The following BNC2 variants were observed in gnomAD, a reference collection of about 807,000 sequenced individuals.
The protein encoded by BNC2 is basonuclin zinc finger protein 2.
In BNC2, 20 loss-of-function variants were observed where a neutral mutation model predicts 76.3. That is an observed-to-expected ratio of 0.26 (90% CI 0.18 to 0.38). The LOEUF (loss-of-function observed/expected upper bound fraction) is 0.38, where lower values mean the gene tolerates loss of function less well. Among genes scored for constraint, BNC2 ranks in the 10% least tolerant of loss-of-function variants. The probability of loss-of-function intolerance (pLI) is 1.00; values close to 1 mark genes in which losing one functional copy is unlikely to be tolerated. For synonymous variants in BNC2, 582 were observed against 514.8 expected (o/e 1.13, Z -1.77); for missense variants, 1,382 against 1,399.8 (o/e 0.99, Z 0.20).
chr9:16,448,033 A>G, intron 5 of BNC2, among the ~76,000 whole-genome samples: 1 of 152,124 alleles, frequency 6.6e-6, no homozygotes, highest in South Asian at 2.1e-4. Flanking sequence ...AGGAGGAAAG[A>G]AAGGGACAGT....
chr9:16,422,842 G>C (rs2119146302), intron 6 of BNC2, among the ~76,000 whole-genome samples: 1 of 152,340 alleles, frequency 6.6e-6, no homozygotes, highest in South Asian at 2.1e-4. Flanking sequence ...TTGGACTCTT[G>C]AATCAGTCAA....
intron 3 of BNC2, among the ~76,000 whole-genome samples, chr9:16,609,869 C>T (rs1405975876): frequency 6.6e-6 from 1 of 152,112 alleles, no homozygotes; most frequent in Admixed American, 6.6e-5. Flanking sequence ...CCTCTCAGGA[C>T]TCCTGTCTCT....
chr9:16,767,034 T>A (rs1165968289), intron 1 of BNC2, among the ~76,000 whole-genome samples: 4 of 152,254 alleles, frequency 2.6e-5, no homozygotes, highest in Admixed American at 2.6e-4. Context: ...CCAATCACTA[T>A]CTGGCTACCT....
At position 16,436,898 on chromosome 9, in the gene BNC2, C is replaced by A. The variant is rs368914032; in HGVS notation, c.1296G>T (p.Met432Ile). ...CTCTTCCTTTCCTAGAGGCTGACCC[C>A]ATCCTTCTCATCCGATGAATCCGGA... ...SSFRIHRMRRMGSASRKGRVF... is the reference protein window; with the variant it reads ...SSFRIHRMRRIGSASRKGRVF... Residue 432 changes from methionine to isoleucine, a missense_variant, in exon 6 of 7, where the codon ATG (methionine) becomes ATT (isoleucine). Transcript: ENST00000380672. The A allele has an allele frequency of 8.7e-6, 14 of 1,613,978 alleles. No homozygotes were observed. The African/African-American group carries it at 1.6e-4, about 18-fold the overall frequency.
At chr9:16,607,353 A>G (rs1820415329) in intron 3 of BNC2, among the ~76,000 whole-genome samples, 1 of 152,154 alleles carries the variant, frequency 6.6e-6, no homozygotes, top group African/African-American at 2.4e-5. Context: ...GAATGTAGAA[A>G]AAAAGGGGTG....
intron 5 of BNC2, among the ~76,000 whole-genome samples, chr9:16,472,608 G>C (rs575653480): frequency 2.6e-4 from 40 of 152,166 alleles, no homozygotes; most frequent in Non-Finnish European, 4.0e-4. Flanking sequence ...TTCAAACATA[G>C]TGAAACTTCT....
At chr9:16,490,995 G>T (rs1822267085) in intron 5 of BNC2, among the ~76,000 whole-genome samples, 1 of 152,128 alleles carries the variant, frequency 6.6e-6, no homozygotes, top group Admixed American at 6.5e-5. Flanking sequence ...AGACCACATG[G>T]CTCCATATGA....
At chr9:16,546,692 C>CA (rs1488700312) in intron 5 of BNC2, among the ~76,000 whole-genome samples, 1 of 152,162 alleles carries the variant, frequency 6.6e-6, no homozygotes, top group African/African-American at 2.4e-5. Context: ...TACCTAAGGT[C>CA]AGACATTTGG....
At chr9:16,438,013 T>C (rs1330351253) in intron 5 of BNC2, among the ~76,000 whole-genome samples, 1 of 152,194 alleles carries the variant, frequency 6.6e-6, no homozygotes, top group Non-Finnish European at 1.5e-5. Flanking sequence ...CTGGATTCAA[T>C]GATGAAAATT....
chr9:16,686,396 T>C lies in BNC2; in HGVS notation c.330+41401A>G, dbSNP rs187330265. On this transcript the variant is annotated intron_variant, in intron 3 of 6. Transcript: ENST00000380672. ...GTCCCTTGCTTATTTCATTTCAGAT[T>C]TTTTTAAGATTAAACAAGGTTTTAG... Among the ~76,000 whole-genome samples the C allele has an allele frequency of 1.7e-3, 264 of 152,302 alleles. 2 individuals are homozygous for C. Among genetic ancestry groups the C allele is most frequent in the Middle Eastern group, 0.017 (5 of 294 alleles).
intron 1 of BNC2, among the ~76,000 whole-genome samples, chr9:16,761,408 T>C (rs1000205529): frequency 1.2e-4 from 19 of 152,244 alleles, no homozygotes; most frequent in Non-Finnish European, 1.5e-5. Context: ...ATAGCAAACA[T>C]ACGTCTCTGA....
chr9:16,699,664 C>A (rs930556238), intron 3 of BNC2, among the ~76,000 whole-genome samples: 1 of 152,164 alleles, frequency 6.6e-6, no homozygotes, highest in African/African-American at 2.4e-5. Flanking sequence ...TCTAACTAAC[C>A]CTCTCTGTGC....
chr9:16,864,274 T>G (rs1819484111), intron 1 of BNC2, among the ~76,000 whole-genome samples: 1 of 152,236 alleles, frequency 6.6e-6, no homozygotes, highest in Non-Finnish European at 1.5e-5. Flanking sequence ...ATGAAATATC[T>G]TTTAATTATT....
chr9:16,785,388 T>A (rs1336101528), intron 1 of BNC2, among the ~76,000 whole-genome samples: 1 of 152,086 alleles, frequency 6.6e-6, no homozygotes, highest in Non-Finnish European at 1.5e-5. Flanking sequence ...TGGAAATTCT[T>A]GCTATGTATT....
At chr9:16,742,686 T>C (rs575943907) in intron 1 of BNC2, among the ~76,000 whole-genome samples, 2 of 152,334 alleles carry the variant, frequency 1.3e-5, no homozygotes, top group East Asian at 3.9e-4. Flanking sequence ...CGTGGTCTCC[T>C]GTTGTCAACA....
At chr9:16,530,617 T>G (rs947009851) in intron 5 of BNC2, among the ~76,000 whole-genome samples, 1 of 152,230 alleles carries the variant, frequency 6.6e-6, no homozygotes, top group East Asian at 1.9e-4. Context: ...TAAACCATAA[T>G]GCTGAGAGAA....
intron 5 of BNC2, among the ~76,000 whole-genome samples, chr9:16,478,291 C>A (rs991690805): frequency 1.3e-5 from 2 of 152,166 alleles, no homozygotes; most frequent in Non-Finnish European, 2.9e-5. Flanking sequence ...CGTGGTCAGT[C>A]TGCAGACCCT....
At position 16,412,474 on chromosome 9, in the gene BNC2, T is replaced by A. The variant is rs1403557435; in HGVS notation, c.*6515A>T. The A allele has an allele frequency of 6.6e-6, 1 of 152,482 alleles. No individual in the cohort carries two copies. The highest frequency in any genetic ancestry group is 1.5e-5 in the Non-Finnish European group (1 of 68,036). 9.4% of individuals were successfully genotyped at this position (152,482 alleles called of 1,614,324 possible). A position where few individuals can be genotyped will look rare whatever the true frequency, so the allele number is the denominator to read the frequency against. ...TGACTTGCAGGAAAATTTGCTCTAA[T>A]TATAGGGCCACACCCATTACTCTCA... On this transcript the variant is annotated 3_prime_UTR_variant, in exon 7 of 7. Transcript: ENST00000380672.
At chr9:16,789,989 G>A (rs770048493) in intron 1 of BNC2, among the ~76,000 whole-genome samples, 4 of 152,158 alleles carry the variant, frequency 2.6e-5, no homozygotes, top group African/African-American at 7.2e-5. Flanking sequence ...GATCATGCGC[G>A]CTGAAATCAT....
Sources: allele counts gnomAD v4.1 joint callset (sites outside exome capture counted in the v4.1 genomes callset), GRCh38; gene constraint gnomAD v4.1.1; transcripts MANE v1.5; gene names NCBI Gene and HGNC (gene_info 2026-07-23, HGNC 2026-07-21).